NRXN1: variants seen among roughly 807,000 people sequenced by gnomAD.
NRXN1 encodes the protein neurexin-1.
NRXN1 carries 39 observed loss-of-function variants against 150.9 expected under a neutral mutation model. The ratio of observed to expected loss-of-function variants is 0.26; its 90% CI spans 0.20 to 0.34. The LOEUF (loss-of-function observed/expected upper bound fraction) is 0.34. Ranked by LOEUF, NRXN1 falls within the 10% of genes least tolerant of loss-of-function variation. The probability of loss-of-function intolerance (pLI) is 1.00; values close to 1 mark genes in which losing one functional copy is unlikely to be tolerated. For synonymous variants in NRXN1, 924 were observed against 757.0 expected (o/e 1.22, Z -3.62); for missense variants, 1,815 against 1,949.9 (o/e 0.93, Z 1.30).
At chr2:50,714,475 T>G (rs368997040) in intron 5 of NRXN1, among the ~76,000 whole-genome samples, 237 of 152,262 alleles carry the variant, frequency 1.6e-3, no homozygotes, top group African/African-American at 5.4e-3. Flanking sequence ...ACTCAGTTCA[T>G]CTTGGAACTG....
At chr2:50,677,459 C>A (rs979777337) in intron 5 of NRXN1, among the ~76,000 whole-genome samples, 3 of 152,128 alleles carry the variant, frequency 2.0e-5, no homozygotes, top group African/African-American at 7.2e-5. Context: ...ATCTCTTTTG[C>A]CAACTAGAGG....
chr2:50,539,326 C>T (rs7601431), intron 9 of NRXN1, among the ~76,000 whole-genome samples: 65,694 of 151,954 alleles, frequency 0.43, 16,353 homozygotes, highest in African/African-American at 0.69. Flanking sequence ...TCAAGTAAAA[C>T]CAATTGCTTC....
chr2:50,774,289 T>C (rs1305157043), intron 5 of NRXN1, among the ~76,000 whole-genome samples: 2 of 152,100 alleles, frequency 1.3e-5, no homozygotes, highest in Non-Finnish European at 2.9e-5. Context: ...AAGCCCCAAA[T>C]GTCTACACTG....
intron 12 of NRXN1, among the ~76,000 whole-genome samples, chr2:50,526,536 C>T (rs1304242292): frequency 1.3e-5 from 2 of 152,092 alleles, no homozygotes; most frequent in African/African-American, 4.8e-5. Context: ...AAATGCACTC[C>T]AGGTAGAAAT....
chr2:50,674,005 G>A (rs373318703), intron 5 of NRXN1, among the ~76,000 whole-genome samples: 2 of 151,978 alleles, frequency 1.3e-5, no homozygotes, highest in African/African-American at 4.8e-5. Context: ...GTAGGTAACT[G>A]GTTGATGGGT....
chr2:50,139,711 T>C (rs551283380), intron 18 of NRXN1, among the ~76,000 whole-genome samples: 5 of 152,314 alleles, frequency 3.3e-5, no homozygotes, highest in African/African-American at 1.2e-4. Context: ...GAATTACAGA[T>C]GTAATTGGAA....
intron 21 of NRXN1, among the ~76,000 whole-genome samples, chr2:50,029,130 G>A (rs971842408): frequency 6.6e-6 from 1 of 152,194 alleles, no homozygotes; most frequent in African/African-American, 2.4e-5. Context: ...ATAAGAGGCT[G>A]AACAAACCAG....
chr2:50,860,604 G>A (rs1301457387), intron 5 of NRXN1, among the ~76,000 whole-genome samples: 1 of 152,072 alleles, frequency 6.6e-6, no homozygotes, highest in African/African-American at 2.4e-5. Context: ...GAAAGGAGTA[G>A]TTTGCAGAGG....
At position 50,824,267 on chromosome 2, in the gene NRXN1, A is replaced by G. The variant is rs544097751; in HGVS notation, c.832+97602T>C. 3.3e-5 allele frequency among the ~76,000 whole-genome samples: 5 copies of G among 152,128 alleles called. No individual in the cohort carries two copies. The South Asian group carries it at 6.2e-4, about 19-fold the overall frequency. Reference sequence around the variant, plus strand: ...TGAATAAACAGAGAAAAATATGACTATAGTATTATTATTGCTACAATTCAA... The same window carrying G: ...TGAATAAACAGAGAAAAATATGACTGTAGTATTATTATTGCTACAATTCAA... On this transcript the variant is annotated intron_variant, in intron 5 of 22. Coordinates refer to ENST00000401669, the MANE Select transcript of NRXN1 (RefSeq NM_001330078.2).
chr2:50,052,387 A>G (rs1351989562), intron 21 of NRXN1, among the ~76,000 whole-genome samples: 1 of 152,156 alleles, frequency 6.6e-6, no homozygotes, highest in Non-Finnish European at 1.5e-5. Context: ...AAAAATTAAC[A>G]ACTGGATACA....
At chr2:50,692,615 C>G (rs1692232952) in intron 5 of NRXN1, among the ~76,000 whole-genome samples, 1 of 152,056 alleles carries the variant, frequency 6.6e-6, no homozygotes, top group African/African-American at 2.4e-5. Flanking sequence ...TTTTATGATC[C>G]ATCAACAAAA....
chr2:50,096,469 T>C (rs906414609), intron 18 of NRXN1, among the ~76,000 whole-genome samples: 1 of 152,200 alleles, frequency 6.6e-6, no homozygotes, highest in Admixed American at 6.5e-5. Context: ...TTCAAACTCT[T>C]ATTCTCTGGG....
chr2:50,368,283 C>T (rs1329504404), intron 17 of NRXN1, among the ~76,000 whole-genome samples: 1 of 151,674 alleles, frequency 6.6e-6, no homozygotes, highest in Admixed American at 6.6e-5. Flanking sequence ...CCTTATGAGA[C>T]TCCCAAATTC....
At chr2:50,671,299 T>A (rs920173930) in intron 5 of NRXN1, among the ~76,000 whole-genome samples, 11 of 151,730 alleles carry the variant, frequency 7.2e-5, no homozygotes, top group Non-Finnish European at 1.0e-4. Flanking sequence ...ATAAGAAATT[T>A]AAAAAATTAT....
intron 17 of NRXN1, among the ~76,000 whole-genome samples, chr2:50,414,512 G>A (rs2083404311): frequency 6.6e-6 from 1 of 151,402 alleles, no homozygotes; most frequent in Non-Finnish European, 1.5e-5. Context: ...TTTGAAAGAT[G>A]TTTTTTTAAT....
intron 8 of NRXN1, among the ~76,000 whole-genome samples, chr2:50,606,761 A>G (rs1016520303): frequency 3.3e-5 from 5 of 152,206 alleles, no homozygotes; most frequent in Admixed American, 6.5e-5. Context: ...AAAGAATAAT[A>G]AAGTTTTAGA....
chr2:50,534,798 T>C (rs1459293011), intron 10 of NRXN1, among the ~76,000 whole-genome samples: 1 of 152,176 alleles, frequency 6.6e-6, no homozygotes, highest in Non-Finnish European at 1.5e-5. Context: ...TTTGAAATAA[T>C]CATATTCTTC....
chr2:50,194,590 G>C (rs941789729), intron 18 of NRXN1, among the ~76,000 whole-genome samples: 2 of 152,050 alleles, frequency 1.3e-5, no homozygotes, highest in African/African-American at 2.4e-5. Flanking sequence ...AGTTCCCTTT[G>C]AAAGATAATG....
intron 17 of NRXN1, among the ~76,000 whole-genome samples, chr2:50,379,085 C>T (rs2080741644): frequency 6.7e-6 from 1 of 149,780 alleles, no homozygotes; most frequent in Non-Finnish European, 1.5e-5. Flanking sequence ...GTCCATGCTA[C>T]AATATGTTTG....
Sources: allele counts gnomAD v4.1 joint callset (sites outside exome capture counted in the v4.1 genomes callset), GRCh38; gene constraint gnomAD v4.1.1; transcripts MANE v1.5; gene names NCBI Gene and HGNC (gene_info 2026-07-23, HGNC 2026-07-21).